The following SULT1A3 variants were observed in gnomAD, a reference collection of about 807,000 sequenced individuals.
SULT1A3 encodes the protein sulfotransferase 1A3.
For synonymous variants in SULT1A3, 4 were observed against 29.3 expected, an observed-to-expected ratio of 0.14 and a Z score of 2.79; for missense variants, 11 against 62.7, an observed-to-expected ratio of 0.18 and a Z score of 2.78.
intron 2 of SULT1A3, 22 bp from the exon 3 acceptor site, chr16:30,200,956 ACCT>A (rs1441347477): frequency 5.6e-6 from 2 of 354,164 alleles, no homozygotes; most frequent in East Asian, 5.3e-5. Flanking sequence ...CAGCCTGCTC[ACCT>A]CCTATCTCCC....
At chr16:30,202,062 A>G (rs2151066363) in intron 4 of SULT1A3, 1 of 42,806 alleles carries the variant, frequency 2.3e-5, no homozygotes, top group South Asian at 1.8e-4. Context: ...ATCTCGGTTC[A>G]CTGCAACCAC....
At chr16:30,200,625 A>G in intron 1 of SULT1A3, 100 bp from the exon 2 acceptor site, 1 of 1,470,052 alleles carries the variant, frequency 6.8e-7, no homozygotes, top group African/African-American at 1.9e-5. Context: ...GGTGAGAGTG[A>G]GACTCCATCT....
chr16:30,201,639 C>T (rs1299920973), intron 4 of SULT1A3, among the ~76,000 whole-genome samples: 3 of 151,914 alleles, frequency 2.0e-5, no homozygotes, highest in African/African-American at 7.2e-5. Flanking sequence ...CAGGTGCCCT[C>T]TCAGCCATGT....
Position 30,204,217 on chromosome 16 carries a change from T to C in SULT1A3, c.*297T>C, listed in dbSNP as rs878880914. The C allele has an allele frequency of 4.2e-4, 235 of 554,560 alleles. No homozygotes were observed. The South Asian group carries it at 4.7e-3, about 11-fold the overall frequency. The allele number at this position is 554,560 out of a possible 1,614,324, so 34.4% of individuals were successfully genotyped here. A position where few individuals can be genotyped will look rare whatever the true frequency, so the allele number is the denominator to read the frequency against. On this transcript the variant is annotated 3_prime_UTR_variant, in exon 8 of 8. Coordinates refer to ENST00000338971, the MANE Select transcript of SULT1A3 (RefSeq NM_177552.4). Reference sequence around the variant, plus strand: ...AGGATCATTTCAGCCCAGGAGGTTGTGGATACAGTGAGTTATGACATGCCC... The same window carrying C: ...AGGATCATTTCAGCCCAGGAGGTTGCGGATACAGTGAGTTATGACATGCCC...
intron 4 of SULT1A3, among the ~76,000 whole-genome samples, chr16:30,201,886 G>A (rs1384364270): frequency 6.0e-5 from 7 of 117,510 alleles, no homozygotes; most frequent in Admixed American, 2.4e-4. Flanking sequence ...TAGTAGAGAC[G>A]GGGTTTCACC....
chr16:30,201,604 G>T (rs1463215477), intron 4 of SULT1A3, among the ~76,000 whole-genome samples: 7 of 152,096 alleles, frequency 4.6e-5, no homozygotes, highest in Admixed American at 4.6e-4. Flanking sequence ...CCACTGACTG[G>T]CAAGGAAAGC....
intron 4 of SULT1A3, among the ~76,000 whole-genome samples, chr16:30,201,654 G>C (rs1348307434): frequency 5.3e-5 from 8 of 151,716 alleles, no homozygotes; most frequent in Non-Finnish European, 1.0e-4. Context: ...CCATGTACCT[G>C]TTCTTCTGGA....
At position 30,201,903 on chromosome 16, in the gene SULT1A3, G is replaced by C. The variant is rs1297112178; in HGVS notation, c.372+610G>C. The C allele has an allele frequency of 6.3e-5, 7 of 110,894 alleles. No homozygotes were observed. In the East Asian group the frequency reaches 1.7e-3, roughly 27 times the overall value. The allele number at this position is 110,894 out of a possible 1,614,324, so 6.9% of individuals were successfully genotyped here. On this transcript the variant is annotated intron_variant, in intron 4 of 7. Transcript: ENST00000338971. ...GTAGAGACGGGGTTTCACCATGTTG[G>C]TCAAGTGGATCTCAAACTCTTGACC...
intron 4 of SULT1A3, chr16:30,201,975 G>A (rs1336438413): frequency 2.2e-4 from 18 of 82,404 alleles, no homozygotes; most frequent in Middle Eastern, 4.4e-3. Flanking sequence ...AATTACAGGC[G>A]TGAGCCACCG....
intron 1 of SULT1A3, 65 bp from the exon 2 acceptor site, chr16:30,200,660 A>T: frequency 6.9e-7 from 1 of 1,458,216 alleles, no homozygotes. Flanking sequence ...AAAAAGAGAG[A>T]ATCCCACTTT....
Position 30,204,263 on chromosome 16 carries a change from CA to C in SULT1A3, c.*345del, listed in dbSNP as rs2073455493. The C allele has an allele frequency of 1.6e-6, 1 of 609,456 alleles. No homozygotes were observed. Among genetic ancestry groups the C allele is most frequent in the African/African-American group, 1.8e-5 (1 of 54,188 alleles). 37.8% of individuals were successfully genotyped at this position (609,456 alleles called of 1,614,324 possible). ...TGCCCATTCACTACAGCCTGGATGA[CA>C]AGCAAGACCCTCCCTCCAAAGAAAA... On this transcript the variant is annotated 3_prime_UTR_variant, in exon 8 of 8. Transcript: ENST00000338971.
At chr16:30,201,995 C>CTT (rs1204376251) in intron 4 of SULT1A3, 13 of 58,584 alleles carry the variant, frequency 2.2e-4, no homozygotes, top group Admixed American at 3.2e-4. Flanking sequence ...GCGCCTGGCC[C>CTT]TTTTTTTTTT....
chr16:30,202,146 C>T (rs2073449030), intron 4 of SULT1A3: 1 of 11,366 alleles, frequency 8.8e-5, no homozygotes, highest in East Asian at 1.5e-3. Context: ...TGCCACCACG[C>T]CCGGCTAATT....
In SULT1A3 at chr16:30,204,094, TA is replaced by T. The variant is rs1332285533; in HGVS notation, c.*178del. 8 of 143,908 alleles carry T rather than the reference TA, an allele frequency of 5.6e-5. No individual in the cohort carries two copies. Among genetic ancestry groups the T allele is most frequent in the Admixed American group, 2.8e-4 (4 of 14,374 alleles). The allele number at this position is 143,908 out of a possible 1,614,324, so 8.9% of individuals were successfully genotyped here. A position where few individuals can be genotyped will look rare whatever the true frequency, so the allele number is the denominator to read the frequency against. ...GGCCACGAATTTGAGACCAGCCTGG[TA>T]AAATAGTGAGACCTCATCTCTACAA... On this transcript the variant is annotated 3_prime_UTR_variant, in exon 8 of 8. Coordinates refer to ENST00000338971, the MANE Select transcript of SULT1A3 (RefSeq NM_177552.4).
chr16:30,201,884 A>G (rs1596928146), intron 4 of SULT1A3, among the ~76,000 whole-genome samples: 2 of 116,978 alleles, frequency 1.7e-5, no homozygotes, highest in East Asian at 4.7e-4. Context: ...TTTAGTAGAG[A>G]CGGGGTTTCA....
chr16:30,201,003 A>G lies in SULT1A3; in HGVS notation c.171A>G (p.Ile57Met). 3.2e-6 allele frequency: 1 copy of G among 315,758 alleles called. No individual in the cohort carries two copies. The highest frequency in any genetic ancestry group is 5.2e-6 in the Non-Finnish European group (1 of 191,224). 19.6% of individuals were successfully genotyped at this position (315,758 alleles called of 1,614,324 possible). The change falls in exon 3 of 8, where the codon ATA (isoleucine) becomes ATG (methionine). Residue 57 changes from isoleucine (I) to methionine (M), a missense_variant. Physicochemically the swap from Ile to Met is conservative, Grantham distance 10 (BLOSUM62 1). Transcript: ENST00000338971. ...CAGGCACCACCTGGGTGAGCCAGAT[A>G]CTGGACATGATCTACCAGGGCGGCG... ...PKSGTTWVSQILDMIYQGGDL... is the reference protein window; with the variant it reads ...PKSGTTWVSQMLDMIYQGGDL...
chr16:30,201,344 G>A (rs2073441792), intron 4 of SULT1A3, 51 bp downstream of exon 4: 2 of 235,326 alleles, frequency 8.5e-6, no homozygotes, highest in Admixed American at 5.3e-5. Context: ...TGAGACTGAG[G>A]AGGGAGGATC....
rs530694556 is a variant in SULT1A3 at position 30,201,579 on chromosome 16, C to T, written c.372+286C>T. 1.8e-4 allele frequency among the ~76,000 whole-genome samples: 28 copies of T among 152,130 alleles called. No individual in the cohort carries two copies. In the South Asian group the frequency reaches 3.4e-3, roughly 18 times the overall value. On this transcript the variant is annotated intron_variant, in intron 4 of 7. Transcript: ENST00000338971. The stretch of plus-strand genomic sequence containing the variant: ...GGGCAACACAGCAAAACCATCTCTA[C>T]GAAAAAAAAAGTTCCCACTGACTGG...
Position 30,200,777 on chromosome 16 carries a change from G to C in SULT1A3, c.49G>C (p.Gly17Arg). The C allele has an allele frequency of 8.2e-7, 1 of 1,214,000 alleles. No homozygotes were observed. Among genetic ancestry groups the C allele is most frequent in the Non-Finnish European group, 1.0e-6 (1 of 967,012 alleles). The allele number at this position is 1,214,000 out of a possible 1,614,324, so 75.2% of individuals were successfully genotyped here. Residue 17 changes from glycine to arginine, a missense_variant, in exon 2 of 8, where the codon GGG becomes CGG. Transcript: ENST00000338971. ...CCGCCCGCCACTGGAGTACGTGAAG[G>C]GGGTCCCGCTCATCAAGTACTTTGC... ...TSRPPLEYVK[G>R]VPLIKYFAEA...
Sources: allele counts gnomAD v4.1 joint callset (sites outside exome capture counted in the v4.1 genomes callset), GRCh38; gene constraint gnomAD v4.1.1; transcripts MANE v1.5; gene names NCBI Gene and HGNC (gene_info 2026-07-23, HGNC 2026-07-21).